The following TELO2 variants were observed in gnomAD, a reference collection of about 807,000 sequenced individuals.
TELO2 encodes the protein telomere length regulation protein TEL2 homolog.
A neutral mutation model predicts 91.0 loss-of-function variants in TELO2; 71 were observed. The ratio of observed to expected loss-of-function variants is 0.78; its 90% CI spans 0.64 to 0.95. TELO2 has a LOEUF of 0.95. Ranked by LOEUF, TELO2 falls within the 40% of genes least tolerant of loss-of-function variation. TELO2 has a pLI of 0.00. For synonymous variants in TELO2, 584 were observed against 518.9 expected (o/e 1.13, Z -1.71); for missense variants, 1,183 against 1,141.3 (o/e 1.04, Z -0.53).
In TELO2 at chr16:1,494,399, G is replaced by A; in HGVS notation, c.118G>A (p.Gly40Ser). Residue 40 changes from glycine to serine, a missense_variant, in exon 2 of 21, where the codon GGT becomes AGT. Gly to Ser is a moderately conservative substitution (Grantham distance 56). Transcript: ENST00000262319. This position sits in a 1 kb window ranked among gnomAD's most constrained non-coding sequence, Gnocchi z 5.6. ...CTLESLKRYL[G>S]EMEPPALPRE... ...CCTGGAGTCCCTGAAGCGGTATCTC[G>A]GTGAGATGGAGCCTCCAGCGCTCCC... is the stretch of plus-strand genomic sequence containing the variant. The A allele has an allele frequency of 6.2e-7, 1 of 1,613,564 alleles. No individual in the cohort carries two copies. Among genetic ancestry groups the A allele is most frequent in the Non-Finnish European group, 8.5e-7 (1 of 1,180,020 alleles).
intron 3 of TELO2, among the ~76,000 whole-genome samples, chr16:1,496,104 G>A (rs762082294): frequency 1.2e-4 from 18 of 152,222 alleles, no homozygotes; most frequent in Non-Finnish European, 1.3e-4. Flanking sequence ...CACCCGGAGC[G>A]TCTGCCTCTC....
chr16:1,502,525 C>CG (rs2039728268), intron 13 of TELO2, 120 bp from the exon 14 acceptor site: 5 of 1,504,004 alleles, frequency 3.3e-6, no homozygotes, highest in Non-Finnish European at 4.5e-6. Context: ...CTGCCTCTCC[C>CG]GGGGGGCCTG....
chr16:1,502,675 C>A lies in TELO2; in HGVS notation c.1684C>A (p.His562Asn). The change falls in exon 14 of 21, where the codon CAT becomes AAT. Residue 562 changes from histidine (H) to asparagine (N), a missense_variant. Coordinates refer to ENST00000262319, the MANE Select transcript of TELO2 (RefSeq NM_016111.4). ...VSVELAKVLLHLEEKTCVVGF... is the reference protein window; with the variant it reads ...VSVELAKVLLNLEEKTCVVGF... The stretch of plus-strand genomic sequence containing the variant: ...CGTGGAGCTGGCCAAGGTGCTTCTG[C>A]ATCTGGAGGAGAAGACCTGTGTGGT... 1.9e-6 allele frequency: 3 copies of A among 1,612,526 alleles called. No homozygotes were observed. Among genetic ancestry groups the A allele is most frequent in the Non-Finnish European group, 2.5e-6 (3 of 1,179,872 alleles).
In TELO2 at chr16:1,497,035, G is replaced by C. The variant is rs772245181; in HGVS notation, c.614-1G>C. ...TCATCAGGCCTCCCTTTCTGTCCCA[G>C]GTGGCCTGGATTCCTCCGTGTCCTT... On this transcript the variant is annotated splice_acceptor_variant, in intron 3 of 20. Transcript: ENST00000262319. LOFTEE classifies it high-confidence loss of function. The surrounding 1 kb of genome is among the most constrained non-coding windows in gnomAD (Gnocchi z 4.0). 1.9e-6 allele frequency: 3 copies of C among 1,613,910 alleles called. No individual in the cohort carries two copies. In the South Asian group the frequency reaches 3.3e-5, roughly 18 times the overall value.
rs751876802 is a variant in TELO2 at position 1,506,305 on chromosome 16, T to C, written c.2102T>C (p.Phe701Ser). 1.2e-6 allele frequency: 2 copies of C among 1,613,924 alleles called. No homozygotes were observed. The highest frequency in any genetic ancestry group is 1.7e-6 in the Non-Finnish European group (2 of 1,179,976). Reference sequence around the variant, plus strand: ...AACTCCGTGGCCGGCCACTTCTTCTTCCCCCTCCTTCAGCGCTTTGACAGG... The same window carrying C: ...AACTCCGTGGCCGGCCACTTCTTCTCCCCCCTCCTTCAGCGCTTTGACAGG... ...RFNSVAGHFF[F>S]PLLQRFDRPL... The change falls in exon 17 of 21, where the codon TTC (phenylalanine) becomes TCC (serine). Residue 701 changes from phenylalanine to serine, a missense_variant. Physicochemically the swap from Phe to Ser is radical, Grantham distance 155. Coordinates refer to ENST00000262319, the MANE Select transcript of TELO2 (RefSeq NM_016111.4).
chr16:1,498,347 G>A (rs2039565172), intron 5 of TELO2, among the ~76,000 whole-genome samples: 1 of 152,180 alleles, frequency 6.6e-6, no homozygotes, highest in Non-Finnish European at 1.5e-5. Context: ...GTGAGGGTGT[G>A]TGTGTGTTTA....
chr16:1,508,180 T>C (rs2039978610), intron 20 of TELO2, among the ~76,000 whole-genome samples: 1 of 152,022 alleles, frequency 6.6e-6, no homozygotes, highest in Non-Finnish European at 1.5e-5. Flanking sequence ...TCGCCCAGGC[T>C]GGAGTGCCGT....
chr16:1,494,248 C>T lies in TELO2; in HGVS notation c.-34C>T, dbSNP rs756336612. On this transcript the variant is annotated splice_region_variant and 5_prime_UTR_variant, in exon 2 of 21. Transcript: ENST00000262319. The surrounding 1 kb of genome is among the most constrained non-coding windows in gnomAD (Gnocchi z 5.6). ...TGAGCCCTGTGTCCATGTCACAGGT[C>T]GTCTTCCCGTGACGCCCAGATCTGT... The T allele has an allele frequency of 1.2e-5, 19 of 1,583,972 alleles. No individual in the cohort carries two copies. Among genetic ancestry groups the T allele is most frequent in the Admixed American group, 1.0e-4 (6 of 59,136 alleles).
At chr16:1,502,278 T>C in intron 12 of TELO2, 35 bp from the exon 13 acceptor site, 1 of 1,576,062 alleles carries the variant, frequency 6.3e-7, no homozygotes, top group East Asian at 2.3e-5. Context: ...GGGTCAGGGC[T>C]GAGGCTGACC....
rs752335323 is a variant in TELO2 at position 1,502,775 on chromosome 16, C to G, written c.1770+14C>G. On this transcript the variant is annotated intron_variant, in intron 14 of 20. Transcript: ENST00000262319. The stretch of plus-strand genomic sequence containing the variant: ...GACCCGGCCCCGGTGAGTTCCCGCA[C>G]CCGTGGCCCTGGCCAGTGCAGGCAC... The G allele has an allele frequency of 3.7e-6, 6 of 1,610,176 alleles. No individual in the cohort carries two copies. Among genetic ancestry groups the G allele is most frequent in the Non-Finnish European group, 5.1e-6 (6 of 1,179,456 alleles).
chr16:1,498,779 G>C (rs2039578584), intron 5 of TELO2, among the ~76,000 whole-genome samples: 1 of 152,146 alleles, frequency 6.6e-6, no homozygotes, highest in East Asian at 1.9e-4. Context: ...TTTCCACACT[G>C]GCTGGATAGA....
rs138501028 is a variant in TELO2 at position 1,505,398 on chromosome 16, G to C, written c.1843-12G>C. On this transcript the variant is annotated splice_polypyrimidine_tract_variant and intron_variant, in intron 15 of 20. Coordinates refer to ENST00000262319, the MANE Select transcript of TELO2 (RefSeq NM_016111.4). The surrounding 1 kb of genome is among the most constrained non-coding windows in gnomAD (Gnocchi z 4.3). ...GAGCAGTGGCGACGGCCCTGGGCCT[G>C]TCTCCCTCCAGGTGCTGACTCTGGC... The C allele has an allele frequency of 6.9e-6, 11 of 1,604,116 alleles. No individual in the cohort carries two copies. In the East Asian group the frequency reaches 2.2e-4, roughly 33 times the overall value.
intron 3 of TELO2, among the ~76,000 whole-genome samples, chr16:1,496,176 A>G (rs998915984): frequency 6.6e-6 from 1 of 152,178 alleles, no homozygotes; most frequent in Non-Finnish European, 1.5e-5. Context: ...GCTCAGACGC[A>G]GGTCGAGCAC....
rs1567298506 is a variant in TELO2, at chr16:1,500,546, C to CTGTCCGGT, written c.1145-16_1145-9dup. On this transcript the variant is annotated splice_polypyrimidine_tract_variant and intron_variant, in intron 8 of 20. Coordinates refer to ENST00000262319, the MANE Select transcript of TELO2 (RefSeq NM_016111.4). ...GGGCGCCCCGAGGTGCTCAGGGGGC[C>CTGTCCGGT]TGTCCGGTGCTTGCAGAACTGCTGG... The CTGTCCGGT allele has an allele frequency of 6.2e-7, 1 of 1,611,162 alleles. No individual in the cohort carries two copies. The highest frequency in any genetic ancestry group is 1.7e-5 in the Admixed American group (1 of 59,846).
rs1339735736 is a variant in TELO2, at chr16:1,495,445, G to T, written c.435G>T (p.Thr145=). 1.9e-6 allele frequency: 3 copies of T among 1,604,568 alleles called. No individual in the cohort carries two copies. The highest frequency in any genetic ancestry group is 8.5e-7 in the Non-Finnish European group (1 of 1,176,886). ...TGGAGGCGCAGTGTCGGCAGCAGAC[G>T]CAGCCCGGCTTCATCCTGCTCCGGG... ...VLMEAQCRQQ[T]QPGFILLRET... is the part of the protein sequence containing the mutation. The change falls in exon 3 of 21, where the codon ACG becomes ACT. Residue 145 remains threonine, a synonymous_variant. Coordinates refer to ENST00000262319, the MANE Select transcript of TELO2 (RefSeq NM_016111.4).
chr16:1,507,648 GC>G lies in TELO2; in HGVS notation c.2341del (p.Leu781CysfsTer10). 1 of 1,601,154 alleles carries G rather than the reference GC, an allele frequency of 6.2e-7. No homozygotes were observed. Among genetic ancestry groups the G allele is most frequent in the Non-Finnish European group, 8.5e-7 (1 of 1,179,542 alleles). ...LLSAVSSVLL[S>X]LPAARLLEDL... is the part of the protein sequence containing the mutation. ...TCGGCCGTCTCCTCCGTCCTGCTCA[GC>G]CTGCCTGCTGCGCGCCTGCTGGAGG... is the stretch of plus-strand genomic sequence containing the variant. On this transcript the variant is annotated frameshift_variant, in exon 20 of 21. Coordinates refer to ENST00000262319, the MANE Select transcript of TELO2 (RefSeq NM_016111.4). LOFTEE classifies it high-confidence loss of function.
Position 1,506,978 on chromosome 16 carries a change from G to A in TELO2, c.2153G>A (p.Gly718Glu). The change falls in exon 18 of 21, where the codon GGA (glycine) becomes GAA (glutamate). Residue 718 changes from glycine to glutamate, a missense_variant. Transcript: ENST00000262319. ...DRPLVTFDLL[G>E]EDQLVLGRLA... ...CCTCTGGTGACCTTCGACCTCTTGG[G>A]AGAAGACCAGCTGGTTCTCGGAAGG... 1 of 1,611,924 alleles carries A rather than the reference G, an allele frequency of 6.2e-7. No homozygotes were observed. The highest frequency in any genetic ancestry group is 8.5e-7 in the Non-Finnish European group (1 of 1,179,134).
intron 5 of TELO2, among the ~76,000 whole-genome samples, chr16:1,498,431 T>G (rs765272319): frequency 6.6e-5 from 10 of 152,204 alleles, no homozygotes; most frequent in South Asian, 2.1e-4. Flanking sequence ...TGTTTTGGTG[T>G]TGTTGTTGGG....
At position 1,506,349 on chromosome 16, in the gene TELO2, GC is replaced by G. The variant is rs1193284360; in HGVS notation, c.2126+22del. On this transcript the variant is annotated intron_variant, in intron 17 of 20. Coordinates refer to ENST00000262319, the MANE Select transcript of TELO2 (RefSeq NM_016111.4). ...TGACAGGTGAGTGGGTTTTCCGTGG[GC>G]CTGTGGACTTGGGGGACAGGGACCC... The G allele has an allele frequency of 1.9e-6, 3 of 1,613,972 alleles. No individual in the cohort carries two copies. The South Asian group carries it at 3.3e-5, about 18-fold the overall frequency.
Sources: allele counts gnomAD v4.1 joint callset (sites outside exome capture counted in the v4.1 genomes callset), GRCh38; gene constraint gnomAD v4.1.1; non-coding constraint Gnocchi (gnomAD v3.1); transcripts MANE v1.5; gene names NCBI Gene and HGNC (gene_info 2026-07-23, HGNC 2026-07-21).